ZNF750: variants seen among roughly 807,000 people sequenced by gnomAD.
ZNF750 encodes the protein zinc finger protein 750.
ZNF750 carries 10 observed loss-of-function variants against 31.6 expected under a neutral mutation model. The observed-to-expected ratio is 0.32, with a 90% CI of 0.19 to 0.54. The LOEUF is 0.54. ZNF750 is among the 20% of genes least tolerant of loss of function. ZNF750 has a pLI of 0.95. For missense variants in ZNF750, 914 were observed against 934.9 expected, an observed-to-expected ratio of 0.98 and a Z score of 0.29; for synonymous variants, 400 against 404.9, an observed-to-expected ratio of 0.99 and a Z score of 0.15.
chr17:82,839,782 C>G (rs1485371679), intron 1 of ZNF750, 145 bp downstream of exon 1: 3 of 152,242 alleles, frequency 2.0e-5, no homozygotes, highest in Non-Finnish European at 4.4e-5. Context: ...AGCCATGCAC[C>G]TGCTGGGTCC....
At chr17:82,838,590 C>T in intron 1 of ZNF750, 1 of 944,872 alleles carries the variant, frequency 1.1e-6, no homozygotes, top group East Asian at 1.2e-4. Flanking sequence ...ACCATTGTCG[C>T]CTACCCACTG....
rs753642559 is a variant in ZNF750 at position 82,830,200 on chromosome 17, G to A, written c.2114C>T (p.Ala705Val). 1.2e-6 allele frequency: 2 copies of A among 1,614,064 alleles called. No individual in the cohort carries two copies. Among genetic ancestry groups the A allele is most frequent in the Non-Finnish European group, 1.7e-6 (2 of 1,180,018 alleles). The change falls in exon 3 of 3, where the codon GCG (alanine) becomes GTG (valine). Residue 705 changes from alanine (A) to valine (V), a missense_variant. Physicochemically the swap from Ala to Val is moderately conservative, Grantham distance 64. Around this residue, in one of 2 missense-constraint regions of ZNF750, gnomAD observed 880 missense variants for 868.9 expected, o/e 1.01. Transcript: ENST00000269394. ...AGKSQQGAKK[A>V]KLQDTARVFT... Reference sequence around the variant, plus strand: ...CACTCTGGCCGTGTCCTGCAGCTTCGCCTTCTTAGCTCCTTGCTGGGATTT... The same window carrying A: ...CACTCTGGCCGTGTCCTGCAGCTTCACCTTCTTAGCTCCTTGCTGGGATTT...
Position 82,833,468 on chromosome 17 carries a change from A to C in ZNF750, c.-182-832T>G, listed in dbSNP as rs1407872076. 6.6e-6 allele frequency among the ~76,000 whole-genome samples: 1 copy of C among 152,194 alleles called. No individual in the cohort carries two copies. Among genetic ancestry groups the C allele is most frequent in the Non-Finnish European group, 1.5e-5 (1 of 68,030 alleles). On this transcript the variant is annotated intron_variant, in intron 1 of 2. Coordinates refer to ENST00000269394, the MANE Select transcript of ZNF750 (RefSeq NM_024702.3). This position sits in a 1 kb window ranked among gnomAD's most constrained non-coding sequence, Gnocchi z 4.7. ...TCAGCTTTATCATTAAGTAGCATTT[A>C]TGTTGTCTCAGATATGAATACAAAT...
At position 82,830,971 on chromosome 17, in the gene ZNF750, C is replaced by T. The variant is rs1435896955; in HGVS notation, c.1436+48G>A. On this transcript the variant is annotated intron_variant, in intron 2 of 2. Coordinates refer to ENST00000269394, the MANE Select transcript of ZNF750 (RefSeq NM_024702.3). ...CAAGTATAAGCCTGGCTCATGGAAC[C>T]CAACCAGAAACATTCCCTTGGAGGT... The T allele has an allele frequency of 3.1e-6, 5 of 1,613,358 alleles. No homozygotes were observed. The South Asian group carries it at 5.5e-5, about 18-fold the overall frequency.
Position 82,830,457 on chromosome 17 carries a change from T to C in ZNF750, c.1857A>G (p.Pro619=). 6.2e-7 allele frequency: 1 copy of C among 1,612,740 alleles called. No individual in the cohort carries two copies. ...APPTGPGEEA[P]DACAVDSSEE... is the part of the protein sequence containing the mutation. The stretch of plus-strand genomic sequence containing the variant: ...CGCTGCTGTCCACCGCGCATGCGTC[T>C]GGAGCCTCCTCGCCGGGGCCTGTGG... Residue 619 remains proline (P), a synonymous_variant, in exon 3 of 3, where the codon CCA becomes CCG. Coordinates refer to ENST00000269394, the MANE Select transcript of ZNF750 (RefSeq NM_024702.3).
At position 82,831,193 on chromosome 17, in the gene ZNF750, A is replaced by G. The variant is rs759363915; in HGVS notation, c.1262T>C (p.Met421Thr). 3.7e-6 allele frequency: 6 copies of G among 1,613,960 alleles called. No homozygotes were observed. In the East Asian group the frequency reaches 1.3e-4, roughly 36 times the overall value. The change falls in exon 2 of 3, where the codon ATG becomes ACG. Residue 421 changes from methionine to threonine, a missense_variant. This residue lies in a region of ZNF750 where 880 missense variants were observed against 868.9 expected (regional missense o/e 1.01). Coordinates refer to ENST00000269394, the MANE Select transcript of ZNF750 (RefSeq NM_024702.3). The surrounding 1 kb of genome is among the most constrained non-coding windows in gnomAD (Gnocchi z 4.6). ...GCCTTCGCAGGTCTGGCTCGTCTGCATGAAGTCGGTGGGGCTCGGCCTCCC... is the reference window on the plus strand; with the variant it reads ...GCCTTCGCAGGTCTGGCTCGTCTGCGTGAAGTCGGTGGGGCTCGGCCTCCC... ...SPGRPSPTDF[M>T]QTSQTCEGLY...
Position 82,831,168 on chromosome 17 carries a change from GC to G in ZNF750, c.1286del (p.Gly429AlafsTer50), listed in dbSNP as rs1164547762. 1 of 1,614,002 alleles carries G rather than the reference GC, an allele frequency of 6.2e-7. No individual in the cohort carries two copies. The highest frequency in any genetic ancestry group is 8.5e-7 in the Non-Finnish European group (1 of 1,180,026). ...CTGCCTTGTTGGAGAGGTCGTACAG[GC>G]CTTCGCAGGTCTGGCTCGTCTGCAT... ...DFMQTSQTCE[G>X]LYDLSNKAAS... On this transcript the variant is annotated frameshift_variant, in exon 2 of 3. Coordinates refer to ENST00000269394, the MANE Select transcript of ZNF750 (RefSeq NM_024702.3). LOFTEE classifies it high-confidence loss of function. The surrounding 1 kb of genome is among the most constrained non-coding windows in gnomAD (Gnocchi z 4.6).
At position 82,829,662 on chromosome 17, in the gene ZNF750, T is replaced by A. The variant is rs2053296365; in HGVS notation, c.*480A>T. 1 of 167,236 alleles carries A rather than the reference T, an allele frequency of 6.0e-6. No homozygotes were observed. The highest frequency in any genetic ancestry group is 2.4e-5 in the African/African-American group (1 of 41,578). 10.4% of individuals were successfully genotyped at this position (167,236 alleles called of 1,614,324 possible). A position where few individuals can be genotyped will look rare whatever the true frequency, so the allele number is the denominator to read the frequency against. ...TAAATTATTTGTATAAATAGCCTCTTGATGTTTGTGTGTTATTTAGTTATA... is the reference window on the plus strand; with the variant it reads ...TAAATTATTTGTATAAATAGCCTCTAGATGTTTGTGTGTTATTTAGTTATA... On this transcript the variant is annotated 3_prime_UTR_variant, in exon 3 of 3. Transcript: ENST00000269394.
Position 82,829,995 on chromosome 17 carries a change from T to TTTTG in ZNF750, c.*143_*146dup, listed in dbSNP as rs142352768. On this transcript the variant is annotated 3_prime_UTR_variant, in exon 3 of 3. Transcript: ENST00000269394. ...TTTATAAAAACTGAATTGGAGGGTT[T>TTTTG]TTTGTTTGTTTGTTTGTTTGTTTTT... 82 of 1,237,876 alleles carry TTTTG rather than the reference T, an allele frequency of 6.6e-5. No homozygotes were observed. The highest frequency in any genetic ancestry group is 3.9e-4 in the East Asian group (16 of 40,606). 76.7% of individuals were successfully genotyped at this position (1,237,876 alleles called of 1,614,324 possible).
intron 1 of ZNF750, among the ~76,000 whole-genome samples, chr17:82,836,871 G>A (rs889701032): frequency 6.6e-6 from 1 of 152,194 alleles, no homozygotes; most frequent in Admixed American, 6.5e-5. Flanking sequence ...TTTCTAGTCA[G>A]ATTTGCCCTT....
At chr17:82,836,960 A>C (rs1019594919) in intron 1 of ZNF750, among the ~76,000 whole-genome samples, 1 of 152,114 alleles carries the variant, frequency 6.6e-6, no homozygotes, top group Non-Finnish European at 1.5e-5. Flanking sequence ...TTGGAGCTCA[A>C]TTGCTCGAAG....
Position 82,831,763 on chromosome 17 carries a change from A to G in ZNF750, c.692T>C (p.Ile231Thr). 2 of 1,614,108 alleles carry G rather than the reference A, an allele frequency of 1.2e-6. No homozygotes were observed. The highest frequency in any genetic ancestry group is 8.5e-7 in the Non-Finnish European group (1 of 1,180,006). Residue 231 changes from isoleucine to threonine, a missense_variant, in exon 2 of 3, where the codon ATT becomes ACT. Transcript: ENST00000269394. This position sits in a 1 kb window ranked among gnomAD's most constrained non-coding sequence, Gnocchi z 4.6. ...GATTGTGGGGTGCATGTAAGGGGAAATGGCCCCAAGCCCCTTTGTAGATGA... is the reference window on the plus strand; with the variant it reads ...GATTGTGGGGTGCATGTAAGGGGAAGTGGCCCCAAGCCCCTTTGTAGATGA... ...KISSTKGLGA[I>T]SPYMHPTIPE...
chr17:82,830,269 A>G lies in ZNF750; in HGVS notation c.2045T>C (p.Leu682Pro), dbSNP rs1240479177. ...TGTCCTCTTTTGTCCTTTGGGTCTGAGGTCACACTGGGCCTCTTGGCTCTC... is the reference window on the plus strand; with the variant it reads ...TGTCCTCTTTTGTCCTTTGGGTCTGGGGTCACACTGGGCCTCTTGGCTCTC... ...SMESQEAQCD[L>P]RPKGQKRTSL... Residue 682 changes from leucine to proline, a missense_variant, in exon 3 of 3, where the codon CTC (leucine) becomes CCC (proline). Physicochemically the swap from Leu to Pro is moderately conservative, Grantham distance 98. This residue lies in a region of ZNF750 where 880 missense variants were observed against 868.9 expected (regional missense o/e 1.01). Transcript: ENST00000269394. The G allele has an allele frequency of 6.2e-7, 1 of 1,614,026 alleles. No individual in the cohort carries two copies. Among genetic ancestry groups the G allele is most frequent in the Non-Finnish European group, 8.5e-7 (1 of 1,180,020 alleles).
In ZNF750 at chr17:82,831,280, T is replaced by C. The variant is rs34687659; in HGVS notation, c.1175A>G (p.Gln392Arg). 7.4e-3 allele frequency: 12,003 copies of C among 1,613,872 alleles called. 755 individuals carry two copies. The African/African-American group carries it at 0.14, about 19-fold the overall frequency. Residue 392 changes from glutamine to arginine, a missense_variant, in exon 2 of 3, where the codon CAG (glutamine) becomes CGG (arginine). Gln to Arg is a conservative substitution (Grantham distance 43). This residue lies in a region of ZNF750 where 880 missense variants were observed against 868.9 expected (regional missense o/e 1.01). Transcript: ENST00000269394. The surrounding 1 kb of genome is among the most constrained non-coding windows in gnomAD (Gnocchi z 4.6). ...CATTTTGGACCCTTCCGTGTCTCTC[T>C]GCCCAGCCTTGGAGGAGTCTTTAGC... ...PEAKDSSKAG[Q>R]RDTEGSKMSP...
Position 82,832,014 on chromosome 17 carries a change from G to A in ZNF750, c.441C>T (p.Leu147=), listed in dbSNP as rs147701658. The stretch of plus-strand genomic sequence containing the variant: ...CGCCTTCCAGAGCAGGCTGGGCACC[G>A]AGGGCGGCTTCCGGAGCTGGGCTCT... ...PCKSPAPEAA[L]GAQPALEGAA... The change falls in exon 2 of 3, where the codon CTC becomes CTT. Residue 147 remains leucine (L), a synonymous_variant. Coordinates refer to ENST00000269394, the MANE Select transcript of ZNF750 (RefSeq NM_024702.3). This position sits in a 1 kb window ranked among gnomAD's most constrained non-coding sequence, Gnocchi z 4.9. 48 of 1,612,590 alleles carry A rather than the reference G, an allele frequency of 3.0e-5. No homozygotes were observed. The African/African-American group carries it at 4.3e-4, about 14-fold the overall frequency.
Position 82,838,580 on chromosome 17 carries a change from A to G in ZNF750, c.-183+1347T>C, listed in dbSNP as rs903512897. 20 of 880,146 alleles carry G rather than the reference A, an allele frequency of 2.3e-5. No homozygotes were observed. In the African/African-American group the frequency reaches 3.6e-4, roughly 16 times the overall value. The allele number at this position is 880,146 out of a possible 1,614,324, so 54.5% of individuals were successfully genotyped here. On this transcript the variant is annotated intron_variant, in intron 1 of 2. Transcript: ENST00000269394. Reference sequence around the variant, plus strand: ...GCGTTGTTGCATAACTCAAGGACACACCATTGTCGCCTACCCACTGTGATG... The same window carrying G: ...GCGTTGTTGCATAACTCAAGGACACGCCATTGTCGCCTACCCACTGTGATG...
At position 82,831,923 on chromosome 17, in the gene ZNF750, C is replaced by T; in HGVS notation, c.532G>A (p.Ala178Thr). 1 of 1,614,174 alleles carries T rather than the reference C, an allele frequency of 6.2e-7. No individual in the cohort carries two copies. The highest frequency in any genetic ancestry group is 1.1e-5 in the South Asian group (1 of 91,072). The change falls in exon 2 of 3, where the codon GCG (alanine) becomes ACG (threonine). Residue 178 changes from alanine (A) to threonine (T), a missense_variant. Coordinates refer to ENST00000269394, the MANE Select transcript of ZNF750 (RefSeq NM_024702.3). The surrounding 1 kb of genome is among the most constrained non-coding windows in gnomAD (Gnocchi z 4.6). ...HRLKGPDNAE[A>T]PETLALHNPT... ...TTGTGTAAAGCCAGTGTCTCGGGCG[C>T]CTCGGCGTTGTCTGGCCCCTTGAGT...
chr17:82,831,676 A>C lies in ZNF750; in HGVS notation c.779T>G (p.Leu260Arg). 6.2e-7 allele frequency: 1 copy of C among 1,614,166 alleles called. No individual in the cohort carries two copies. Among genetic ancestry groups the C allele is most frequent in the East Asian group, 2.2e-5 (1 of 44,884 alleles). Residue 260 changes from leucine to arginine, a missense_variant, in exon 2 of 3, where the codon CTG (leucine) becomes CGG (arginine). Leu to Arg is a moderately radical substitution (Grantham distance 102, BLOSUM62 -2). Coordinates refer to ENST00000269394, the MANE Select transcript of ZNF750 (RefSeq NM_024702.3). This position sits in a 1 kb window ranked among gnomAD's most constrained non-coding sequence, Gnocchi z 4.6. ...ACACTCAGGCGAGCTCCCAGCCAGC[A>C]GGTAAGGCGAGTAGATGGTGGCCAG... is the stretch of plus-strand genomic sequence containing the variant. ...HGLATIYSPY[L>R]LAGSSPECDA... is the part of the protein sequence containing the mutation.
chr17:82,830,767 A>G lies in ZNF750; in HGVS notation c.1547T>C (p.Leu516Pro). 1 of 1,612,998 alleles carries G rather than the reference A, an allele frequency of 6.2e-7. No individual in the cohort carries two copies. The highest frequency in any genetic ancestry group is 8.5e-7 in the Non-Finnish European group (1 of 1,179,818). ...DDSSGMGPLNLSKKSEINLAA... is the reference protein window; with the variant it reads ...DDSSGMGPLNPSKKSEINLAA... Reference sequence around the variant, plus strand: ...CAGGTTTATCTCTGATTTCTTGGAGAGGTTGAGGGGGCCCATCCCGGAGCT... The same window carrying G: ...CAGGTTTATCTCTGATTTCTTGGAGGGGTTGAGGGGGCCCATCCCGGAGCT... The change falls in exon 3 of 3, where the codon CTC (leucine) becomes CCC (proline). Residue 516 changes from leucine to proline, a missense_variant. This residue lies in a region of ZNF750 where 880 missense variants were observed against 868.9 expected (regional missense o/e 1.01). Transcript: ENST00000269394.
Sources: allele counts gnomAD v4.1 joint callset (sites outside exome capture counted in the v4.1 genomes callset), GRCh38; gene constraint gnomAD v4.1.1; regional missense constraint gnomAD v4.1.1; non-coding constraint Gnocchi (gnomAD v3.1); transcripts MANE v1.5; gene names NCBI Gene and HGNC (gene_info 2026-07-23, HGNC 2026-07-21).